Variants in FARP1 observed in about 807,000 individuals in gnomAD.
The protein encoded by FARP1 is FERM, ARH/RhoGEF and pleckstrin domain protein 1, also known as FERM, ARHGEF and pleckstrin domain-containing protein 1.
FARP1 carries 52 observed loss-of-function variants against 128.8 expected under a neutral mutation model. That is an observed-to-expected ratio of 0.40 (90% CI 0.32 to 0.51). FARP1 has a LOEUF of 0.51. Ranked by LOEUF, FARP1 falls within the 20% of genes least tolerant of loss-of-function variation. FARP1 has a pLI of 0.45. For missense variants in FARP1, 1,333 were observed against 1,367.9 expected (o/e 0.97, Z 0.40); for synonymous variants, 580 against 551.8 (o/e 1.05, Z -0.72).
rs1883639309 is a variant in FARP1 at position 98,256,960 on chromosome 13, T to TATA, written c.171+43548_171+43550dup. ...AAGTATATATGTGGATATATATATA[T>TATA]ATATATATATATATATATATATATA... On this transcript the variant is annotated intron_variant, in intron 2 of 26. Transcript: ENST00000319562. 7.3e-5 allele frequency among the ~76,000 whole-genome samples: 8 copies of TATA among 109,450 alleles called. No individual in the cohort carries two copies. In the East Asian group the frequency reaches 1.6e-3, roughly 21 times the overall value. 71.8% of individuals were successfully genotyped at this position (109,450 alleles called of 152,430 possible). A position where few individuals can be genotyped will look rare whatever the true frequency, so the allele number is the denominator to read the frequency against.
In FARP1 at chr13:98,330,875, T is replaced by C. The variant is rs574582409; in HGVS notation, c.172-12887T>C. On this transcript the variant is annotated intron_variant, in intron 2 of 26. Transcript: ENST00000319562. ...TGAGTGTGTATGTGCAGTAGAGTCA[T>C]TGCAGGAACATTTAGGCATGTGAGG... Among the ~76,000 whole-genome samples the C allele has an allele frequency of 8.5e-5, 13 of 152,306 alleles. No individual in the cohort carries two copies. In the South Asian group the frequency reaches 2.5e-3, roughly 29 times the overall value.
intron 18 of FARP1, chr13:98,434,919 G>C (rs542982407): frequency 6.6e-6 from 1 of 152,254 alleles, no homozygotes; most frequent in African/African-American, 2.4e-5. Flanking sequence ...ACTTGAACCT[G>C]GGGGCAGAGG....
At chr13:98,337,024 T>G (rs1887772980) in intron 2 of FARP1, among the ~76,000 whole-genome samples, 1 of 150,764 alleles carries the variant, frequency 6.6e-6, no homozygotes, top group Non-Finnish European at 1.5e-5. Context: ...GATGGGAGCC[T>G]TAGAGAGATC....
rs539326922 is a variant in FARP1, at chr13:98,248,728, G to T, written c.171+35315G>T. 2.0e-5 allele frequency among the ~76,000 whole-genome samples: 3 copies of T among 152,024 alleles called. No homozygotes were observed. In the East Asian group the frequency reaches 5.8e-4, roughly 29 times the overall value. On this transcript the variant is annotated intron_variant, in intron 2 of 26. Coordinates refer to ENST00000319562, the MANE Select transcript of FARP1 (RefSeq NM_005766.4). ...CATTCTCAGCTGAACTCAAATGAGG[G>T]TCTGCCTTCTTGTCTCAGCTCTCGC...
At chr13:98,179,077 C>T (rs1044653629) in intron 1 of FARP1, among the ~76,000 whole-genome samples, 1 of 152,226 alleles carries the variant, frequency 6.6e-6, no homozygotes, top group Non-Finnish European at 1.5e-5. Context: ...TCCGTTTTCA[C>T]GCTGCTGATA....
chr13:98,161,215 A>AT (rs1237544014), intron 1 of FARP1, among the ~76,000 whole-genome samples: 2,348 of 136,890 alleles, frequency 0.017, 47 homozygotes, highest in Middle Eastern at 0.053. Flanking sequence ...TGCTTCAGTA[A>AT]TTTTTTTTTT....
intron 2 of FARP1, among the ~76,000 whole-genome samples, chr13:98,283,433 A>T (rs1424489294): frequency 2.6e-5 from 4 of 152,212 alleles, no homozygotes; most frequent in Non-Finnish European, 5.9e-5. Context: ...CCAGAAGCCT[A>T]AGGATGCAGC....
Position 98,176,585 on chromosome 13 carries a change from A to T in FARP1, c.-24+33093A>T, listed in dbSNP as rs1878056252. ...ATCTCCCACCCGAGCTTGTAATCGG[A>T]ACGGTCGTGGAGGAATTTGCAGCTG... On this transcript the variant is annotated intron_variant, in intron 1 of 26. Coordinates refer to ENST00000319562, the MANE Select transcript of FARP1 (RefSeq NM_005766.4). The surrounding 1 kb of genome is among the most constrained non-coding windows in gnomAD (Gnocchi z 6.2). The T allele has an allele frequency of 6.2e-7, 1 of 1,614,048 alleles. No individual in the cohort carries two copies. Among genetic ancestry groups the T allele is most frequent in the Non-Finnish European group, 8.5e-7 (1 of 1,180,026 alleles).
chr13:98,339,395 G>A (rs1205953478), intron 2 of FARP1, among the ~76,000 whole-genome samples: 1 of 152,060 alleles, frequency 6.6e-6, no homozygotes, highest in Non-Finnish European at 1.5e-5. Context: ...AACAGCAAGG[G>A]GGAAATCTGC....
intron 1 of FARP1, among the ~76,000 whole-genome samples, chr13:98,169,439 T>C (rs1246233012): frequency 2.0e-5 from 3 of 152,218 alleles, no homozygotes; most frequent in Non-Finnish European, 2.9e-5. Flanking sequence ...TGTGAAAATA[T>C]CTTTGCTGGA....
Position 98,448,248 on chromosome 13 carries a change from G to T in FARP1, c.3069G>T (p.Val1023=), listed in dbSNP as rs147970162. The T allele has an allele frequency of 4.3e-6, 7 of 1,613,876 alleles. No homozygotes were observed. The African/African-American group carries it at 9.3e-5, about 22-fold the overall frequency. ...SEYTFERWME[V]IRSATSSASR... ...TCCCGTGTTGCAGGTGGATGGAAGT[G>T]ATCCGCAGTGCCACCAGCTCTGCCT... is the stretch of plus-strand genomic sequence containing the variant. The change falls in exon 27 of 27, where the codon GTG becomes GTT. Residue 1023 remains valine (V), a synonymous_variant. Transcript: ENST00000319562.
chr13:98,453,759 TAAGTA>T lies in FARP1; in HGVS notation c.*5445_*5449del, dbSNP rs1371877490. 2 of 152,406 alleles carry T rather than the reference TAAGTA, an allele frequency of 1.3e-5. No homozygotes were observed. The highest frequency in any genetic ancestry group is 2.1e-4 in the South Asian group (1 of 4,846). The allele number at this position is 152,406 out of a possible 1,614,324, so 9.4% of individuals were successfully genotyped here. A position where few individuals can be genotyped will look rare whatever the true frequency, so the allele number is the denominator to read the frequency against. On this transcript the variant is annotated 3_prime_UTR_variant, in exon 27 of 27. Coordinates refer to ENST00000319562, the MANE Select transcript of FARP1 (RefSeq NM_005766.4). Reference sequence around the variant, plus strand: ...TGATGCCCAACAGTACAGAATCAGTTAAGTAAATTATACAAACTGAAATAACAGAC... The same window carrying T: ...TGATGCCCAACAGTACAGAATCAGTTAATTATACAAACTGAAATAACAGAC...
chr13:98,144,618 C>T (rs1482433405), intron 1 of FARP1, among the ~76,000 whole-genome samples: 1 of 152,218 alleles, frequency 6.6e-6, no homozygotes, highest in African/African-American at 2.4e-5. Context: ...AAACCCTGGC[C>T]TAGCACTGGC....
intron 1 of FARP1, among the ~76,000 whole-genome samples, chr13:98,202,280 C>T (rs777111984): frequency 5.3e-5 from 8 of 152,292 alleles, no homozygotes; most frequent in South Asian, 4.1e-4. Flanking sequence ...ATTGATCACA[C>T]GCCCTTTGCC....
chr13:98,147,700 C>G (rs1372635607), intron 1 of FARP1, among the ~76,000 whole-genome samples: 1 of 151,882 alleles, frequency 6.6e-6, no homozygotes, highest in African/African-American at 2.4e-5. Flanking sequence ...GAAAAAAACT[C>G]GAGGCTGGAG....
intron 1 of FARP1, among the ~76,000 whole-genome samples, chr13:98,195,941 A>G (rs553249748): frequency 7.9e-5 from 12 of 152,138 alleles, no homozygotes; most frequent in Non-Finnish European, 1.8e-4. Context: ...TGAGAGGATC[A>G]CTTGAGCCTG....
At chr13:98,311,542 C>T (rs578136256) in intron 2 of FARP1, among the ~76,000 whole-genome samples, 1 of 152,078 alleles carries the variant, frequency 6.6e-6, no homozygotes, top group African/African-American at 2.4e-5. Flanking sequence ...GATAGCAAAT[C>T]AGGGTGCTGT....
chr13:98,386,733 T>C (rs950191942), intron 8 of FARP1, among the ~76,000 whole-genome samples: 10 of 152,142 alleles, frequency 6.6e-5, no homozygotes, highest in African/African-American at 2.4e-4. Context: ...AGTTAGGAAG[T>C]TGTAAATATG....
intron 3 of FARP1, among the ~76,000 whole-genome samples, chr13:98,344,284 G>A (rs1387859098): frequency 6.6e-6 from 1 of 152,122 alleles, no homozygotes; most frequent in East Asian, 1.9e-4. Flanking sequence ...TAGAACTAAG[G>A]GAGAGTAGAG....
Sources: allele counts gnomAD v4.1 joint callset (sites outside exome capture counted in the v4.1 genomes callset), GRCh38; gene constraint gnomAD v4.1.1; non-coding constraint Gnocchi (gnomAD v3.1); transcripts MANE v1.5; gene names NCBI Gene and HGNC (gene_info 2026-07-23, HGNC 2026-07-21).